ANKH: variants seen among roughly 807,000 people sequenced by gnomAD.
ANKH encodes ANKH inorganic pyrophosphate transport regulator.
ANKH carries 15 observed loss-of-function variants against 49.0 expected under a neutral mutation model. The ratio of observed to expected loss-of-function variants is 0.31; its 90% CI spans 0.20 to 0.47. The LOEUF is 0.47. Ranked by LOEUF, ANKH falls within the 20% of genes least tolerant of loss-of-function variation. The pLI is 1.00. For missense variants in ANKH, 429 were observed against 652.0 expected, an observed-to-expected ratio of 0.66 and a Z score of 3.72; for synonymous variants, 273 against 260.0, an observed-to-expected ratio of 1.05 and a Z score of -0.48.
chr5:14,787,667 T>G (rs548394612), intron 1 of ANKH, among the ~76,000 whole-genome samples: 1 of 152,166 alleles, frequency 6.6e-6, no homozygotes, highest in Non-Finnish European at 1.5e-5. Context: ...ATAAATGAAA[T>G]GCCTAATTTT....
intron 1 of ANKH, among the ~76,000 whole-genome samples, chr5:14,804,638 T>A (rs1210256457): frequency 6.6e-6 from 1 of 152,200 alleles, no homozygotes; most frequent in Admixed American, 6.5e-5. Flanking sequence ...GAAAATAGAA[T>A]AAAATGTTGT....
intron 8 of ANKH, among the ~76,000 whole-genome samples, chr5:14,721,461 C>T (rs191885695): frequency 4.6e-5 from 7 of 152,302 alleles, no homozygotes; most frequent in South Asian, 2.1e-4. Context: ...AGGAAAGGAA[C>T]GCCACATTTA....
chr5:14,822,785 G>C (rs769756351), intron 1 of ANKH, among the ~76,000 whole-genome samples: 2 of 152,192 alleles, frequency 1.3e-5, no homozygotes, highest in Non-Finnish European at 2.9e-5. Context: ...GGTGGCTCAC[G>C]CCTGTAATCC....
At chr5:14,850,726 C>T (rs553844089) in intron 1 of ANKH, among the ~76,000 whole-genome samples, 1 of 152,370 alleles carries the variant, frequency 6.6e-6, no homozygotes, top group South Asian at 2.1e-4. Context: ...GCAAGCTGAG[C>T]AATCTAATCT....
intron 5 of ANKH, 126 bp from the exon 6 acceptor site, chr5:14,749,432 T>G (rs1738643226): frequency 9.3e-7 from 1 of 1,075,654 alleles, no homozygotes. Context: ...GAAAGTAATA[T>G]AAGGAAAAGT....
At chr5:14,726,417 A>G (rs552162048) in intron 8 of ANKH, among the ~76,000 whole-genome samples, 1 of 152,262 alleles carries the variant, frequency 6.6e-6, no homozygotes, top group South Asian at 2.1e-4. Context: ...GAGGAGAGGC[A>G]GGGCAAGCAG....
intron 1 of ANKH, among the ~76,000 whole-genome samples, chr5:14,788,465 C>T (rs1740049184): frequency 6.6e-6 from 1 of 152,158 alleles, no homozygotes; most frequent in Admixed American, 6.5e-5. Flanking sequence ...TTTTTATGGC[C>T]ATCACATCGT....
At chr5:14,757,553 G>A (rs1315329471) in intron 3 of ANKH, among the ~76,000 whole-genome samples, 2 of 150,732 alleles carry the variant, frequency 1.3e-5, no homozygotes, top group Non-Finnish European at 2.9e-5. Flanking sequence ...GGGCAGCCCT[G>A]AGCTAATGGG....
At chr5:14,807,268 C>T (rs1475473113) in intron 1 of ANKH, among the ~76,000 whole-genome samples, 1 of 152,042 alleles carries the variant, frequency 6.6e-6, no homozygotes, top group Non-Finnish European at 1.5e-5. Context: ...GCACACACCA[C>T]CATGCCTGGC....
chr5:14,717,441 G>A (rs1295487627), intron 8 of ANKH, among the ~76,000 whole-genome samples: 1 of 152,200 alleles, frequency 6.6e-6, no homozygotes, highest in African/African-American at 2.4e-5. Context: ...ACAGGAAAAG[G>A]GAATCTTGAA....
chr5:14,712,322 G>A (rs1001215819), intron 11 of ANKH, among the ~76,000 whole-genome samples: 28 of 152,326 alleles, frequency 1.8e-4, no homozygotes, highest in African/African-American at 2.6e-4. Context: ...ATGTGTCCTC[G>A]TTCTTCCACC....
At chr5:14,831,543 A>G (rs938738073) in intron 1 of ANKH, among the ~76,000 whole-genome samples, 1 of 152,016 alleles carries the variant, frequency 6.6e-6, no homozygotes, top group African/African-American at 2.4e-5. Flanking sequence ...GGGGGCCTTT[A>G]CTGTATTTAT....
At chr5:14,813,311 T>C (rs1740941177) in intron 1 of ANKH, among the ~76,000 whole-genome samples, 1 of 152,074 alleles carries the variant, frequency 6.6e-6, no homozygotes, top group Non-Finnish European at 1.5e-5. Flanking sequence ...AGTAAAGGTT[T>C]TGGAATGATA....
rs189487721 is a variant in ANKH, at chr5:14,715,330, C to T, written c.1141+1376G>A. The stretch of plus-strand genomic sequence containing the variant: ...GTATTTAGTAGAGACGGGGTTTCAC[C>T]ATGTTGGTGAGGCTGGTCTCGAACT... On this transcript the variant is annotated intron_variant, in intron 9 of 11. Transcript: ENST00000284268. 8.2e-4 allele frequency among the ~76,000 whole-genome samples: 125 copies of T among 152,322 alleles called. 1 individual carries two copies. Among genetic ancestry groups the T allele is most frequent in the Non-Finnish European group, 4.4e-4 (30 of 68,032 alleles).
chr5:14,713,523 C>T lies in ANKH; in HGVS notation c.1265+21G>A. On this transcript the variant is annotated intron_variant, in intron 10 of 11. Transcript: ENST00000284268. This position sits in a 1 kb window ranked among gnomAD's most constrained non-coding sequence, Gnocchi z 4.4. ...TGAAGTGGCAGAAGGACCCACAGCCCCAAACTCCCTGACAACATACCCCAG... is the reference window on the plus strand; with the variant it reads ...TGAAGTGGCAGAAGGACCCACAGCCTCAAACTCCCTGACAACATACCCCAG... The T allele has an allele frequency of 1.2e-6, 2 of 1,613,744 alleles. No individual in the cohort carries two copies. The highest frequency in any genetic ancestry group is 2.7e-5 in the African/African-American group (2 of 75,018).
chr5:14,860,843 C>G (rs1457262631), intron 1 of ANKH, among the ~76,000 whole-genome samples: 1 of 152,174 alleles, frequency 6.6e-6, no homozygotes, highest in African/African-American at 2.4e-5. Flanking sequence ...AGTGCACTGG[C>G]ATGATCTCGG....
intron 2 of ANKH, among the ~76,000 whole-genome samples, chr5:14,767,221 A>C (rs1186791565): frequency 6.6e-6 from 1 of 152,204 alleles, no homozygotes; most frequent in Non-Finnish European, 1.5e-5. Flanking sequence ...CAGAGGCAGA[A>C]AGGTGAACAA....
intron 3 of ANKH, among the ~76,000 whole-genome samples, chr5:14,756,480 C>T (rs993762122): frequency 2.0e-5 from 3 of 152,124 alleles, no homozygotes; most frequent in East Asian, 1.9e-4. Context: ...ACGAAAAGCC[C>T]GAGGAACAGC....
intron 4 of ANKH, among the ~76,000 whole-genome samples, chr5:14,755,539 C>A (rs553348424): frequency 1.4e-3 from 217 of 152,314 alleles, no homozygotes; most frequent in Middle Eastern, 3.4e-3. Flanking sequence ...GACCCTAAGA[C>A]ATGCCGAAAG....
Sources: allele counts gnomAD v4.1 joint callset (sites outside exome capture counted in the v4.1 genomes callset), GRCh38; gene constraint gnomAD v4.1.1; non-coding constraint Gnocchi (gnomAD v3.1); transcripts MANE v1.5; gene names NCBI Gene and HGNC (gene_info 2026-07-23, HGNC 2026-07-21).